LOXL4: variants seen among roughly 807,000 people sequenced by gnomAD.
LOXL4 encodes lysyl oxidase homolog 4.
Under a neutral mutation model 89.1 loss-of-function variants are expected in LOXL4, and 72 were observed. That is an observed-to-expected ratio of 0.81 (90% CI 0.67 to 0.98). The LOEUF (loss-of-function observed/expected upper bound fraction) is 0.98, where lower values mean the gene tolerates loss of function less well. Among genes scored for constraint, LOXL4 ranks in the 50% least tolerant of loss-of-function variants. The pLI is 0.00. For synonymous variants in LOXL4, 355 were observed against 392.1 expected (o/e 0.91, Z 1.12); for missense variants, 984 against 1,017.5 (o/e 0.97, Z 0.45).
At chr10:98,263,498 C>T (rs889546563) in intron 1 of LOXL4, among the ~76,000 whole-genome samples, 8 of 152,088 alleles carry the variant, frequency 5.3e-5, no homozygotes. Context: ...CCCCAGGGTG[C>T]CCTCAGGTCA....
In LOXL4 at chr10:98,253,767, G is replaced by C; in HGVS notation, c.1621C>G (p.Leu541Val). The C allele has an allele frequency of 2.5e-6, 4 of 1,614,152 alleles. No individual in the cohort carries two copies. The highest frequency in any genetic ancestry group is 1.3e-5 in the African/African-American group (1 of 75,052). ...SAPDLVMNAQLVQETAYLEDR... is the reference protein window; with the variant it reads ...SAPDLVMNAQVVQETAYLEDR... ...TCCAAGTAGGCCGTCTCCTGCACTA[G>C]CTGGGCGTTCATCACCAGGTCTGGT... The change falls in exon 11 of 15, where the codon CTA (leucine) becomes GTA (valine). Residue 541 changes from leucine (L) to valine (V), a missense_variant. Transcript: ENST00000260702.
Position 98,253,702 on chromosome 10 carries a change from C to T in LOXL4, c.1686G>A (p.Glu562=), listed in dbSNP as rs530901355. The change falls in exon 11 of 15, where the codon GAG becomes GAA. Residue 562 remains glutamate, a synonymous_variant. Coordinates refer to ENST00000260702, the MANE Select transcript of LOXL4 (RefSeq NM_032211.7). ...GATCCGCAGACTTGGAGAGGCAGTTCTCCTCGTGGGCACAATACAGCTGGC... is the reference window on the plus strand; with the variant it reads ...GATCCGCAGACTTGGAGAGGCAGTTTTCCTCGTGGGCACAATACAGCTGGC... ...PLSQLYCAHE[E]NCLSKSADHM... The T allele has an allele frequency of 9.9e-5, 160 of 1,614,080 alleles. 3 individuals carry two copies. In the South Asian group the frequency reaches 1.5e-3, roughly 15 times the overall value.
chr10:98,259,045 C>T lies in LOXL4; in HGVS notation c.885G>A (p.Pro295=), dbSNP rs778704098. ...ACCCTTTGCGTTGTGGCTTTGTCTT[C>T]GGTGGGCGGAAGTGAGGCCCTGCCA... ...SCVAGPHFRP[P]KTKPQRKGSW... The change falls in exon 6 of 15, where the codon CCG becomes CCA. Residue 295 remains proline (P), a synonymous_variant. Coordinates refer to ENST00000260702, the MANE Select transcript of LOXL4 (RefSeq NM_032211.7). 2.2e-5 allele frequency: 35 copies of T among 1,561,444 alleles called. No individual in the cohort carries two copies. Among genetic ancestry groups the T allele is most frequent in the East Asian group, 2.1e-4 (9 of 42,048 alleles).
rs369867446 is a variant in LOXL4, at chr10:98,257,995, G to A, written c.1091C>T (p.Ala364Val). Residue 364 changes from alanine (A) to valine (V), a missense_variant, in exon 7 of 15, where the codon GCC (alanine) becomes GTC (valine). Transcript: ENST00000260702. ...GTCTCACTCACCTTGGCCCAGCCGG[G>A]CCCCAAAGAGGGCCTCCCGAGCAGA... ...FGSAREALFG[A>V]RLGQGLGPIH... 1.9e-6 allele frequency: 3 copies of A among 1,613,684 alleles called. No individual in the cohort carries two copies. The highest frequency in any genetic ancestry group is 2.5e-6 in the Non-Finnish European group (3 of 1,179,990).
intron 11 of LOXL4, among the ~76,000 whole-genome samples, chr10:98,252,982 A>G (rs737656): frequency 0.59 from 89,528 of 152,164 alleles, 26,885 homozygotes; most frequent in South Asian, 0.67. Context: ...ACCCGTGGCT[A>G]TGTTCTGAAG....
chr10:98,263,758 G>T (rs1858609761), intron 1 of LOXL4, among the ~76,000 whole-genome samples: 1 of 142,680 alleles, frequency 7.0e-6, no homozygotes, highest in Non-Finnish European at 1.5e-5. Flanking sequence ...TCGAGACAGA[G>T]TCTCTCTCTG....
intron 1 of LOXL4, among the ~76,000 whole-genome samples, chr10:98,267,767 C>G (rs1324492801): frequency 6.6e-6 from 1 of 152,182 alleles, no homozygotes; most frequent in Non-Finnish European, 1.5e-5. Context: ...GGTTCGTTGT[C>G]CCCCAAGTCG....
intron 14 of LOXL4, 36 bp downstream of exon 14, chr10:98,251,029 C>G (rs371865670): frequency 1.4e-6 from 2 of 1,475,870 alleles, no homozygotes; most frequent in African/African-American, 2.8e-5. Context: ...CTCCCTGAGC[C>G]TATAGATGGC....
chr10:98,263,029 A>G lies in LOXL4; in HGVS notation c.-10T>C, dbSNP rs772142816. On this transcript the variant is annotated 5_prime_UTR_variant, in exon 2 of 15. Transcript: ENST00000260702. ...GTGGGGACCACGCCATGGTGACTTC[A>G]AGGACAGCTGAGGCCAAGATACCTG... The G allele has an allele frequency of 6.2e-7, 1 of 1,611,422 alleles. No homozygotes were observed. Among genetic ancestry groups the G allele is most frequent in the Non-Finnish European group, 8.5e-7 (1 of 1,178,336 alleles).
intron 11 of LOXL4, among the ~76,000 whole-genome samples, 153 bp downstream of exon 11, chr10:98,253,400 C>T (rs1056003095): frequency 6.6e-6 from 1 of 152,266 alleles, no homozygotes; most frequent in African/African-American, 2.4e-5. Context: ...GTGGATGCCG[C>T]TGTCCTCACT....
In LOXL4 at chr10:98,257,029, G is replaced by A. The variant is rs931728048; in HGVS notation, c.1261-82C>T. 6.7e-6 allele frequency: 10 copies of A among 1,491,842 alleles called. No individual in the cohort carries two copies. The African/African-American group carries it at 1.3e-4, about 19-fold the overall frequency. The allele number at this position is 1,491,842 out of a possible 1,614,324, so 92.4% of individuals were successfully genotyped here. On this transcript the variant is annotated intron_variant, in intron 8 of 14. Coordinates refer to ENST00000260702, the MANE Select transcript of LOXL4 (RefSeq NM_032211.7). ...GCTGCGAGCCTGGAGGTCTGCCCAA[G>A]CCAGCTCACTGTGTCACCCTAGACA... is the stretch of plus-strand genomic sequence containing the variant.
At chr10:98,250,190 A>G (rs1386294192) in intron 14 of LOXL4, among the ~76,000 whole-genome samples, 3 of 151,976 alleles carry the variant, frequency 2.0e-5, no homozygotes, top group African/African-American at 4.8e-5. Flanking sequence ...CTCTTTCTCT[A>G]CTCCTCCCAT....
intron 9 of LOXL4, chr10:98,256,525 C>A (rs1019022602): frequency 5.6e-6 from 3 of 531,432 alleles, no homozygotes; most frequent in Admixed American, 3.5e-5. Context: ...CTATTCATTC[C>A]TCCTCCACCT....
intron 11 of LOXL4, among the ~76,000 whole-genome samples, chr10:98,253,096 G>T (rs1191341075): frequency 6.6e-6 from 1 of 152,218 alleles, no homozygotes. Context: ...TTTAGTGGCA[G>T]TCTGTTCATG....
At chr10:98,267,256 C>T (rs1858706178) in intron 1 of LOXL4, among the ~76,000 whole-genome samples, 1 of 151,940 alleles carries the variant, frequency 6.6e-6, no homozygotes, top group African/African-American at 2.4e-5. Context: ...GAAATTCCAC[C>T]CTGTTCTGGT....
chr10:98,259,500 A>G, intron 4 of LOXL4, 71 bp from the exon 5 acceptor site: 1 of 1,350,468 alleles, frequency 7.4e-7, no homozygotes, highest in Non-Finnish European at 1.1e-6. Flanking sequence ...CTGGTTCCTC[A>G]TAGTTGTCCT....
chr10:98,260,224 A>T (rs1222811729), intron 4 of LOXL4, among the ~76,000 whole-genome samples: 3 of 152,096 alleles, frequency 2.0e-5, no homozygotes, highest in Non-Finnish European at 2.9e-5. Flanking sequence ...ACTTACACAC[A>T]ACCCAGTCAC....
chr10:98,255,624 C>T lies in LOXL4; in HGVS notation c.1544G>A (p.Cys515Tyr), dbSNP rs1249230903. Residue 515 changes from cysteine to tyrosine, a missense_variant, in exon 10 of 15, where the codon TGC (cysteine) becomes TAC (tyrosine). Physicochemically the swap from Cys to Tyr is radical, Grantham distance 194. Transcript: ENST00000260702. ...QQCQRHGPVHCSHGGGRFLAG... is the reference protein window; with the variant it reads ...QQCQRHGPVHYSHGGGRFLAG... Reference sequence around the variant, plus strand: ...CAGGAAGCGCCCGCCACCGTGGGAGCAGTGCACCGGCCCGTGCCTCTGGCA... The same window carrying T: ...CAGGAAGCGCCCGCCACCGTGGGAGTAGTGCACCGGCCCGTGCCTCTGGCA... The T allele has an allele frequency of 9.3e-6, 15 of 1,612,628 alleles. No homozygotes were observed. The highest frequency in any genetic ancestry group is 1.3e-5 in the Non-Finnish European group (15 of 1,178,950).
chr10:98,260,997 G>A lies in LOXL4; in HGVS notation c.587C>T (p.Thr196Ile). ...HWRQVCDQGW[T>I]MNNSRVVCGM... ...GCACACCACCCTGCTGTTGTTCATG[G>A]TCCAGCCCTGGTCACACACCTGCCG... Residue 196 changes from threonine to isoleucine, a missense_variant, in exon 4 of 15, where the codon ACC becomes ATC. Physicochemically the swap from Thr to Ile is moderately conservative, Grantham distance 89. Coordinates refer to ENST00000260702, the MANE Select transcript of LOXL4 (RefSeq NM_032211.7). 6.2e-7 allele frequency: 1 copy of A among 1,613,960 alleles called. No homozygotes were observed. Among genetic ancestry groups the A allele is most frequent in the Non-Finnish European group, 8.5e-7 (1 of 1,180,014 alleles).
Sources: allele counts gnomAD v4.1 joint callset (sites outside exome capture counted in the v4.1 genomes callset), GRCh38; gene constraint gnomAD v4.1.1; transcripts MANE v1.5; gene names NCBI Gene and HGNC (gene_info 2026-07-23, HGNC 2026-07-21).